SPMIP4: variants seen among roughly 807,000 people sequenced by gnomAD.
SPMIP4 encodes sperm-associated microtubule inner protein 4.
the SPMIP4 span, among the ~76,000 whole-genome samples, chr7:25,132,420 T>A: frequency 6.6e-6 from 1 of 152,242 alleles, no homozygotes; most frequent in South Asian, 2.1e-4. The surrounding 1 kb of genome is among the most constrained non-coding windows in gnomAD (Gnocchi z 5.0). Context: ...TTGACAATGC[T>A]AAGTACTTTT....
the SPMIP4 span, among the ~76,000 whole-genome samples, chr7:25,126,231 G>A: frequency 2.0e-5 from 3 of 152,130 alleles, no homozygotes; most frequent in African/African-American, 7.2e-5. Context: ...ATTGTTGAGT[G>A]TAGTCACCCT....
chr7:25,132,301 T>A, the SPMIP4 span, among the ~76,000 whole-genome samples: 1 of 152,196 alleles, frequency 6.6e-6, no homozygotes, highest in Non-Finnish European at 1.5e-5. The surrounding 1 kb of genome is among the most constrained non-coding windows in gnomAD (Gnocchi z 5.0). Context: ...AGGGGTCACC[T>A]TCCCAGCTAA....
the SPMIP4 span, among the ~76,000 whole-genome samples, chr7:25,164,653 T>G: frequency 0.011 from 1,675 of 149,886 alleles, 27 homozygotes; most frequent in Non-Finnish European, 0.015. Context: ...ATTTCAATAG[T>G]TTTTGGGGAA....
At chr7:25,171,806 G>T in the SPMIP4 span, among the ~76,000 whole-genome samples, 1 of 152,198 alleles carries the variant, frequency 6.6e-6, no homozygotes, top group Non-Finnish European at 1.5e-5. Context: ...AAGAAGCTGG[G>T]ACCTTAAAAT....
chr7:25,179,680 T>C, the SPMIP4 span: 1 of 165,222 alleles, frequency 6.1e-6, no homozygotes, highest in African/African-American at 2.4e-5. Context: ...TAGCCTGTGG[T>C]CTTTCCGAAA....
At chr7:25,155,217 C>A in the SPMIP4 span, 11 of 1,480,356 alleles carry the variant, frequency 7.4e-6, no homozygotes, top group South Asian at 2.9e-5. Flanking sequence ...GGAAACAAAA[C>A]AAAATGAAAA....
At chr7:25,158,368 C>CAA in the SPMIP4 span, 67,675 of 296,226 alleles carry the variant, frequency 0.23, 6,885 homozygotes, top group Non-Finnish European at 0.26. Flanking sequence ...GACTCTGTCT[C>CAA]AAAAAAAAAA....
the SPMIP4 span, among the ~76,000 whole-genome samples, chr7:25,133,751 G>T: frequency 6.6e-6 from 1 of 152,170 alleles, no homozygotes; most frequent in East Asian, 1.9e-4. Context: ...TGTACTCTCT[G>T]TATCATTCAT....
chr7:25,128,387 T>C, the SPMIP4 span, among the ~76,000 whole-genome samples: 3 of 152,222 alleles, frequency 2.0e-5, no homozygotes, highest in Admixed American at 1.3e-4. The surrounding 1 kb of genome is among the most constrained non-coding windows in gnomAD (Gnocchi z 4.5). Flanking sequence ...TATTCCACTG[T>C]GGCTGACCTG....
the SPMIP4 span, among the ~76,000 whole-genome samples, chr7:25,129,374 CTGA>C: frequency 6.6e-6 from 1 of 152,322 alleles, no homozygotes; most frequent in East Asian, 1.9e-4. Flanking sequence ...TGGGCACTGG[CTGA>C]TTTCTGCCCA....
the SPMIP4 span, among the ~76,000 whole-genome samples, chr7:25,134,137 G>A: frequency 6.6e-6 from 1 of 151,936 alleles, no homozygotes; most frequent in Non-Finnish European, 1.5e-5. Context: ...GCAGGTGCCT[G>A]TAATCCCAGC....
the SPMIP4 span, among the ~76,000 whole-genome samples, chr7:25,171,461 G>C: frequency 6.6e-6 from 1 of 152,156 alleles, no homozygotes; most frequent in Non-Finnish European, 1.5e-5. Context: ...ACCTGCAAAT[G>C]CATCTGGCAA....
chr7:25,161,069 A>G, the SPMIP4 span: 1 of 585,562 alleles, frequency 1.7e-6, no homozygotes, highest in African/African-American at 1.9e-5. Flanking sequence ...CTCTATTTTA[A>G]AAAAGAAATA....
chr7:25,174,109 A>T, the SPMIP4 span, among the ~76,000 whole-genome samples: 11,362 of 152,214 alleles, frequency 0.075, 548 homozygotes, highest in African/African-American at 0.13. The surrounding 1 kb of genome is among the most constrained non-coding windows in gnomAD (Gnocchi z 4.5). Context: ...AAACATTTTT[A>T]AAAAATGATA....
chr7:25,151,621 C>G, the SPMIP4 span: 1 of 1,609,892 alleles, frequency 6.2e-7, no homozygotes, highest in Non-Finnish European at 8.5e-7. Context: ...TTGACCTGGC[C>G]AAGTCAGTGC....
the SPMIP4 span, among the ~76,000 whole-genome samples, chr7:25,164,060 G>T: frequency 1.3e-5 from 2 of 152,164 alleles, no homozygotes. Context: ...ATGGCTAAGT[G>T]TTGTCCTAAA....
chr7:25,179,455 A>G, the SPMIP4 span: 1 of 718,244 alleles, frequency 1.4e-6, no homozygotes, highest in Admixed American at 3.3e-5. Flanking sequence ...TCTGCACTGA[A>G]AGCCGTCAAA....
At chr7:25,134,391 A>G in the SPMIP4 span, among the ~76,000 whole-genome samples, 1 of 151,970 alleles carries the variant, frequency 6.6e-6, no homozygotes, top group Non-Finnish European at 1.5e-5. Flanking sequence ...CACACAAAAC[A>G]AAAAAATTGA....
chr7:25,169,562 CCATTT>C, the SPMIP4 span, among the ~76,000 whole-genome samples: 3 of 152,058 alleles, frequency 2.0e-5, no homozygotes, highest in African/African-American at 7.2e-5. Flanking sequence ...ATACTCCATT[CCATTT>C]ATTTATTTAT....
Sources: gnomAD v4.1 joint callset for allele counts (sites outside exome capture counted in the v4.1 genomes callset) on GRCh38, gnomAD v4.1.1 for gene constraint, Gnocchi (gnomAD v3.1) non-coding constraint, MANE v1.5 for transcripts, NCBI Gene and HGNC (gene_info 2026-07-23, HGNC 2026-07-21) for gene names.